The following AKT1 variants were observed in gnomAD, a reference collection of about 807,000 sequenced individuals.
The protein encoded by AKT1 is RAC-alpha serine/threonine-protein kinase.
A neutral mutation model predicts 63.1 loss-of-function variants in AKT1; 21 were observed. The ratio of observed to expected loss-of-function variants is 0.33; its 90% CI spans 0.24 to 0.48. The LOEUF is 0.48. Ranked by LOEUF, AKT1 falls within the 20% of genes least tolerant of loss-of-function variation. The probability of loss-of-function intolerance (pLI) is 0.99; values close to 1 mark genes in which losing one functional copy is unlikely to be tolerated. For synonymous variants in AKT1, 257 were observed against 253.1 expected (o/e 1.02, Z -0.15); for missense variants, 382 against 666.0 (o/e 0.57, Z 4.69).
Position 104,782,023 on chromosome 14 carries a change from C to T in AKT1, c.47-1807G>A, listed in dbSNP as rs61761174. 7.0e-3 allele frequency among the ~76,000 whole-genome samples: 1,061 copies of T among 152,302 alleles called. 10 individuals are homozygous for T. Among genetic ancestry groups the T allele is most frequent in the African/African-American group, 0.024 (1,014 of 41,572 alleles). ...TGTCCCTGACCTGGGATCTCGCACA[C>T]CCCCGAGTGTGCACATACACGCACA... is the stretch of plus-strand genomic sequence containing the variant. On this transcript the variant is annotated intron_variant, in intron 3 of 14. Transcript: ENST00000649815.
intron 8 of AKT1, 65 bp from the exon 9 acceptor site, chr14:104,774,045 C>T: frequency 6.7e-7 from 1 of 1,487,566 alleles, no homozygotes; most frequent in Non-Finnish European, 9.3e-7. Context: ...ACCACGCTGC[C>T]CGACACCACG....
Position 104,769,551 on chromosome 14 carries a change from A to T in AKT1, c.*790T>A, listed in dbSNP as rs1298252146. On this transcript the variant is annotated 3_prime_UTR_variant, in exon 15 of 15. Transcript: ENST00000649815. Reference sequence around the variant, plus strand: ...GGCCTGGGGCGACAGCGGAAAGGTTAAGCGTCGAAAAGGTCAAGTGCTACC... The same window carrying T: ...GGCCTGGGGCGACAGCGGAAAGGTTTAGCGTCGAAAAGGTCAAGTGCTACC... 3.8e-6 allele frequency: 2 copies of T among 533,236 alleles called. No homozygotes were observed. The highest frequency in any genetic ancestry group is 7.3e-6 in the Non-Finnish European group (2 of 275,292). The allele number at this position is 533,236 out of a possible 1,614,324, so 33.0% of individuals were successfully genotyped here.
rs181751951 is a variant in AKT1, at chr14:104,792,672, C to T, written c.-29G>A. The T allele has an allele frequency of 4.9e-4, 781 of 1,606,878 alleles. No homozygotes were observed. The highest frequency in any genetic ancestry group is 6.1e-4 in the Non-Finnish European group (723 of 1,179,702). On this transcript the variant is annotated 5_prime_UTR_variant, in exon 3 of 15. Transcript: ENST00000649815. ...GCCCGAGGCTCCCGCGACGCTCACG[C>T]GCTCCTCTCAGGCTGGCGCTCCCCG... is the stretch of plus-strand genomic sequence containing the variant.
intron 8 of AKT1, chr14:104,774,596 A>G: frequency 2.9e-6 from 1 of 348,542 alleles, no homozygotes; most frequent in Non-Finnish European, 5.3e-6. Context: ...TCCCCAGAAC[A>G]GGTTCTGCAG....
chr14:104,788,226 C>T (rs1235808974), intron 3 of AKT1, among the ~76,000 whole-genome samples: 1 of 152,190 alleles, frequency 6.6e-6, no homozygotes, highest in Non-Finnish European at 1.5e-5. Context: ...GGGGTTGACC[C>T]TCACCTGACA....
At chr14:104,793,638 T>C (rs1448135357) in intron 1 of AKT1, 1 of 170,150 alleles carries the variant, frequency 5.9e-6, no homozygotes. Flanking sequence ...GGGGGAGCAC[T>C]GGACAGGCCC....
intron 5 of AKT1, 45 bp from the exon 6 acceptor site, chr14:104,775,844 G>A (rs2140923483): frequency 2.5e-6 from 4 of 1,596,454 alleles, no homozygotes; most frequent in Non-Finnish European, 3.4e-6. Flanking sequence ...CAGATCAGGA[G>A]CTCCACCCCA....
intron 14 of AKT1, 34 bp downstream of exon 14, chr14:104,770,711 A>G (rs769584040): frequency 1.3e-6 from 2 of 1,572,718 alleles, no homozygotes; most frequent in South Asian, 1.1e-5. Context: ...TGGAGAGAAA[A>G]GGGAGTGGGC....
chr14:104,780,951 G>A (rs898829570), intron 3 of AKT1, among the ~76,000 whole-genome samples: 8 of 152,228 alleles, frequency 5.3e-5, no homozygotes, highest in Non-Finnish European at 1.2e-4. Flanking sequence ...CAAGTCCCCA[G>A]GCTGAGACCC....
chr14:104,786,541 C>A (rs930249006), intron 3 of AKT1, among the ~76,000 whole-genome samples: 13 of 152,204 alleles, frequency 8.5e-5, no homozygotes, highest in African/African-American at 2.2e-4. Context: ...ATCCCTGACA[C>A]CCCAGGAAAA....
chr14:104,780,023 G>C (rs2140947794), intron 4 of AKT1, 65 bp downstream of exon 4: 1 of 1,583,482 alleles, frequency 6.3e-7, no homozygotes, highest in Admixed American at 1.7e-5. Context: ...GTGGGGCCTG[G>C]TGGGCAAAGA....
intron 3 of AKT1, among the ~76,000 whole-genome samples, chr14:104,791,490 G>T (rs1305986906): frequency 3.9e-5 from 6 of 152,124 alleles, no homozygotes; most frequent in African/African-American, 1.4e-4. Context: ...ACTGGTAGCT[G>T]CCCACTCAAA....
chr14:104,774,314 G>A, intron 8 of AKT1: 1 of 403,700 alleles, frequency 2.5e-6, no homozygotes, highest in South Asian at 2.6e-5. Flanking sequence ...GTGCCAAGGA[G>A]TGTTTGAAAG....
intron 8 of AKT1, chr14:104,774,212 G>A: frequency 1.9e-6 from 1 of 533,090 alleles, no homozygotes; most frequent in East Asian, 3.2e-5. Context: ...ACATCACACT[G>A]CCCCCATGCC....
At chr14:104,774,172 C>CCCA (rs200919908) in intron 8 of AKT1, 192 bp from the exon 9 acceptor site, 26 of 566,248 alleles carry the variant, frequency 4.6e-5, no homozygotes, top group South Asian at 1.9e-4. Flanking sequence ...ACCACACACC[C>CCCA]CATCACACTG....
intron 4 of AKT1, among the ~76,000 whole-genome samples, chr14:104,778,795 C>T (rs1382810016): frequency 1.3e-5 from 2 of 152,210 alleles, no homozygotes; most frequent in African/African-American, 4.8e-5. Context: ...GGACCGCAGG[C>T]CTCAAAGAAA....
chr14:104,795,714 GC>G lies in AKT1; in HGVS notation c.-489del, dbSNP rs1372538941. 6.8e-6 allele frequency: 1 copy of G among 146,684 alleles called. No individual in the cohort carries two copies. Among genetic ancestry groups the G allele is most frequent in the African/African-American group, 2.5e-5 (1 of 40,720 alleles). The allele number at this position is 146,684 out of a possible 1,614,324, so 9.1% of individuals were successfully genotyped here. ...CTTCGGGCCGCGCTGCGTGCGCTGG[GC>G]CAGCCGCCTGCCGCGCTCGGTCCTG... On this transcript the variant is annotated 5_prime_UTR_variant, in exon 1 of 15. Coordinates refer to ENST00000649815, the MANE Select transcript of AKT1 (RefSeq NM_001382430.1). The surrounding 1 kb of genome is among the most constrained non-coding windows in gnomAD (Gnocchi z 5.1).
rs141074179 is a variant in AKT1 at position 104,775,920 on chromosome 14, C to T, written c.288-121G>A. ...CAGCTGTCGGGGTTCCCAGAGACAG[C>T]CCTGAGGAGGCCACCACTTGACCTG... On this transcript the variant is annotated intron_variant, in intron 5 of 14. Coordinates refer to ENST00000649815, the MANE Select transcript of AKT1 (RefSeq NM_001382430.1). 1.7e-3 allele frequency: 2,213 copies of T among 1,266,738 alleles called. 32 individuals carry two copies. In the African/African-American group the frequency reaches 0.028, roughly 16 times the overall value. The allele number at this position is 1,266,738 out of a possible 1,614,324, so 78.5% of individuals were successfully genotyped here. A position where few individuals can be genotyped will look rare whatever the true frequency, so the allele number is the denominator to read the frequency against.
chr14:104,789,512 G>C (rs1192229167), intron 3 of AKT1, among the ~76,000 whole-genome samples: 1 of 152,256 alleles, frequency 6.6e-6, no homozygotes, highest in Non-Finnish European at 1.5e-5. Flanking sequence ...AGCTATCAAA[G>C]GAAGGAAAAC....
Sources: gnomAD v4.1 joint callset for allele counts (sites outside exome capture counted in the v4.1 genomes callset) on GRCh38, gnomAD v4.1.1 for gene constraint, Gnocchi (gnomAD v3.1) non-coding constraint, MANE v1.5 for transcripts, NCBI Gene and HGNC (gene_info 2026-07-23, HGNC 2026-07-21) for gene names.